Variants in SMARCC1 observed in about 807,000 individuals in gnomAD.
The protein encoded by SMARCC1 is SWI/SNF complex subunit SMARCC1.
A neutral mutation model predicts 147.4 loss-of-function variants in SMARCC1; 43 were observed. That is an observed-to-expected ratio of 0.29 (90% CI 0.23 to 0.38). The LOEUF (loss-of-function observed/expected upper bound fraction) is 0.38. Ranked by LOEUF, SMARCC1 falls within the 10% of genes least tolerant of loss-of-function variation. The probability of loss-of-function intolerance (pLI) is 1.00; values close to 1 mark genes in which losing one functional copy is unlikely to be tolerated. For missense variants in SMARCC1, 1,119 were observed against 1,381.1 expected (o/e 0.81, Z 3.01); for synonymous variants, 495 against 484.4 (o/e 1.02, Z -0.29).
intron 26 of SMARCC1, among the ~76,000 whole-genome samples, chr3:47,591,215 TA>T (rs939934905): frequency 1.3e-5 from 2 of 152,140 alleles, no homozygotes; most frequent in African/African-American, 4.8e-5. Flanking sequence ...AAGTGGACTT[TA>T]AAAGGAAGTC....
rs750101620 is a variant in SMARCC1, at chr3:47,661,437, C to T, written c.2177G>A (p.Arg726Gln). 59 of 1,605,182 alleles carry T rather than the reference C, an allele frequency of 3.7e-5. No homozygotes were observed. In the Admixed American group the frequency reaches 4.7e-4, roughly 13 times the overall value. ...AACCAATTCCAGTGGTACCTCCTCC[C>T]GGACCCGAGAAAACTCCTCTGGTTC... ...KAALEEFSRV[R>Q]EEVPLELVEA... is the part of the protein sequence containing the mutation. The change falls in exon 21 of 28, where the codon CGG becomes CAG. Residue 726 changes from arginine to glutamine, a missense_variant. Transcript: ENST00000254480.
At position 47,641,077 on chromosome 3, in the gene SMARCC1, T is replaced by C. The variant is rs1022088364; in HGVS notation, c.2321-2297A>G. Among the ~76,000 whole-genome samples, 9 of 152,212 alleles carry C rather than the reference T, an allele frequency of 5.9e-5. No individual in the cohort carries two copies. In the East Asian group the frequency reaches 1.5e-3, roughly 26 times the overall value. On this transcript the variant is annotated intron_variant, in intron 21 of 27. Transcript: ENST00000254480. ...AAATCCTACAACAAATAACATTCTT[T>C]GCTGAAAGATGCCAACAGTATTCTC...
intron 2 of SMARCC1, among the ~76,000 whole-genome samples, chr3:47,762,366 C>CT (rs2034782917): frequency 6.6e-6 from 1 of 152,328 alleles, no homozygotes. Context: ...AGTCCTCCAA[C>CT]TCCCACCCTT....
rs569893327 is a variant in SMARCC1, at chr3:47,604,888, G to A, written c.3043+5178C>T. The stretch of plus-strand genomic sequence containing the variant: ...TAATTTTCCTATTTTTAGTAGAGAT[G>A]GGCTTTTGCCATGTTGGCCAGGCAC... On this transcript the variant is annotated intron_variant, in intron 26 of 27. Transcript: ENST00000254480. 2.6e-5 allele frequency among the ~76,000 whole-genome samples: 4 copies of A among 152,096 alleles called. No homozygotes were observed. The South Asian group carries it at 8.3e-4, about 32-fold the overall frequency.
intron 18 of SMARCC1, among the ~76,000 whole-genome samples, chr3:47,671,196 A>AAAAACAAAAAC (rs753672169): frequency 2.5e-5 from 2 of 81,144 alleles, no homozygotes; most frequent in Non-Finnish European, 4.8e-5. Context: ...AAAAAAAAAA[A>AAAAACAAAAAC]AACACACACA....
At chr3:47,712,962 T>C (rs781424208) in intron 8 of SMARCC1, among the ~76,000 whole-genome samples, 1 of 152,186 alleles carries the variant, frequency 6.6e-6, no homozygotes, top group Non-Finnish European at 1.5e-5. Context: ...ATGAGTCACA[T>C]GGCTTACTCC....
At chr3:47,740,866 A>AAC (rs1553689196) in intron 3 of SMARCC1, among the ~76,000 whole-genome samples, 8 of 149,968 alleles carry the variant, frequency 5.3e-5, no homozygotes, top group South Asian at 2.1e-4. Flanking sequence ...AAAAAAAAAA[A>AAC]AAACAAAAAC....
chr3:47,622,487 T>C (rs1237141679), intron 24 of SMARCC1, 146 bp from the exon 25 acceptor site: 3 of 761,920 alleles, frequency 3.9e-6, no homozygotes, highest in Middle Eastern at 2.4e-4. Flanking sequence ...CTAAAATAAC[T>C]GTCTCTGAAT....
chr3:47,723,807 G>A (rs1012319875), intron 6 of SMARCC1, among the ~76,000 whole-genome samples: 7 of 151,586 alleles, frequency 4.6e-5, no homozygotes, highest in African/African-American at 9.7e-5. Context: ...GTGAAACTCC[G>A]TCTCAAAAAA....
intron 18 of SMARCC1, among the ~76,000 whole-genome samples, chr3:47,673,109 G>A (rs569309641): frequency 6.6e-6 from 1 of 152,172 alleles, no homozygotes; most frequent in East Asian, 1.9e-4. Context: ...ATTAGGCTGA[G>A]CATGGTGGTT....
intron 2 of SMARCC1, among the ~76,000 whole-genome samples, chr3:47,772,010 A>G (rs2034920208): frequency 6.6e-6 from 1 of 152,124 alleles, no homozygotes; most frequent in Non-Finnish European, 1.5e-5. Context: ...TGCAGGTTGC[A>G]GTGAGCCGAA....
intron 25 of SMARCC1, among the ~76,000 whole-genome samples, chr3:47,617,453 T>C (rs557649019): frequency 6.6e-6 from 1 of 152,380 alleles, no homozygotes; most frequent in Non-Finnish European, 1.5e-5. Context: ...AAGCCAACAA[T>C]GGCTTATGAA....
intron 9 of SMARCC1, 117 bp downstream of exon 9, chr3:47,710,566 C>T (rs2034072760): frequency 1.0e-6 from 1 of 983,398 alleles, no homozygotes; most frequent in Admixed American, 2.7e-5. Context: ...CATCAGCCAT[C>T]AGGCAGATGT....
intron 25 of SMARCC1, among the ~76,000 whole-genome samples, chr3:47,612,314 T>C (rs1217726270): frequency 6.6e-6 from 1 of 152,210 alleles, no homozygotes; most frequent in African/African-American, 2.4e-5. Context: ...TGAATTTGCT[T>C]AAGAGGTGGC....
intron 7 of SMARCC1, among the ~76,000 whole-genome samples, chr3:47,716,704 G>A (rs943381278): frequency 6.6e-6 from 1 of 152,196 alleles, no homozygotes; most frequent in African/African-American, 2.4e-5. Context: ...GGGTTTCAAA[G>A]GGCAAACCTT....
intron 1 of SMARCC1, among the ~76,000 whole-genome samples, chr3:47,780,658 T>C (rs573833812): frequency 2.0e-5 from 3 of 152,176 alleles, no homozygotes; most frequent in Non-Finnish European, 4.4e-5. Flanking sequence ...CGTTCCCGGA[T>C]ACACTGCAGT....
chr3:47,728,253 A>AT (rs1454446265), intron 6 of SMARCC1, among the ~76,000 whole-genome samples: 2 of 150,426 alleles, frequency 1.3e-5, no homozygotes, highest in Non-Finnish European at 3.0e-5. Flanking sequence ...CAGCCGGCTA[A>AT]TTTTTGGTAT....
chr3:47,718,343 G>A (rs977991127), intron 7 of SMARCC1, among the ~76,000 whole-genome samples: 1 of 151,798 alleles, frequency 6.6e-6, no homozygotes, highest in Non-Finnish European at 1.5e-5. Flanking sequence ...TACTCAGGAG[G>A]CTAAGGCATG....
intron 1 of SMARCC1, among the ~76,000 whole-genome samples, chr3:47,774,399 C>T (rs933646176): frequency 1.1e-4 from 16 of 151,756 alleles, no homozygotes; most frequent in African/African-American, 3.9e-4. Flanking sequence ...GACTCCGTCT[C>T]AAATAATTAA....
Sources: gnomAD v4.1 joint callset for allele counts (sites outside exome capture counted in the v4.1 genomes callset) on GRCh38, gnomAD v4.1.1 for gene constraint, MANE v1.5 for transcripts, NCBI Gene and HGNC (gene_info 2026-07-23, HGNC 2026-07-21) for gene names.